Variants in KCNIP4 observed in about 807,000 individuals in gnomAD.
KCNIP4 encodes the protein Kv channel-interacting protein 4.
A neutral mutation model predicts 34.0 loss-of-function variants in KCNIP4; 12 were observed. The ratio of observed to expected loss-of-function variants is 0.35; its 90% CI spans 0.23 to 0.57. The LOEUF is 0.57. KCNIP4 is among the 20% of genes least tolerant of loss of function. The pLI is 0.83. For missense variants in KCNIP4, 238 were observed against 311.7 expected, an observed-to-expected ratio of 0.76 and a Z score of 1.78; for synonymous variants, 124 against 102.2, an observed-to-expected ratio of 1.21 and a Z score of -1.29.
chr4:21,385,570 A>G (rs1295118539), intron 1 of KCNIP4, among the ~76,000 whole-genome samples: 1 of 152,216 alleles, frequency 6.6e-6, no homozygotes, highest in East Asian at 1.9e-4. Context: ...ATAAGCGATC[A>G]GTGCTAAAAC....
chr4:21,512,162 GAGGGAGGGAGGA>G (rs373190787), intron 1 of KCNIP4, among the ~76,000 whole-genome samples: 61,201 of 132,894 alleles, frequency 0.46, 14,336 homozygotes, highest in East Asian at 0.63. Context: ...GGGAGGGAGG[GAGGGAGGGAGGA>G]AGGAAGGAAC....
At chr4:21,762,657 T>G (rs2109172387) in intron 1 of KCNIP4, among the ~76,000 whole-genome samples, 1 of 152,232 alleles carries the variant, frequency 6.6e-6, no homozygotes, top group East Asian at 1.9e-4. Flanking sequence ...CACTCTTATT[T>G]TATTCTTTAG....
intron 1 of KCNIP4, among the ~76,000 whole-genome samples, chr4:21,778,610 C>A (rs1719355383): frequency 6.6e-6 from 1 of 152,046 alleles, no homozygotes; most frequent in Non-Finnish European, 1.5e-5. Flanking sequence ...AGAGACACTG[C>A]ATATTGTAAC....
intron 1 of KCNIP4, among the ~76,000 whole-genome samples, chr4:20,979,688 G>A (rs1437515436): frequency 6.6e-6 from 1 of 151,898 alleles, no homozygotes; most frequent in Non-Finnish European, 1.5e-5. Flanking sequence ...GTGAGCCACC[G>A]CGCCTGGCTC....
intron 1 of KCNIP4, among the ~76,000 whole-genome samples, chr4:21,412,053 A>G (rs996754451): frequency 6.6e-6 from 1 of 152,284 alleles, no homozygotes; most frequent in African/African-American, 2.4e-5. Flanking sequence ...TTAGCTCTGA[A>G]GTACTCTACC....
chr4:21,826,010 A>T (rs1392650559), intron 1 of KCNIP4, among the ~76,000 whole-genome samples: 1 of 152,160 alleles, frequency 6.6e-6, no homozygotes, highest in Non-Finnish European at 1.5e-5. Context: ...GAGGACAGCA[A>T]GCTCAAAGAA....
chr4:20,877,714 T>C (rs1298305883), intron 2 of KCNIP4, among the ~76,000 whole-genome samples: 1 of 152,164 alleles, frequency 6.6e-6, no homozygotes, highest in African/African-American at 2.4e-5. Flanking sequence ...AAATTTTCTT[T>C]TCCTCTCCTT....
intron 1 of KCNIP4, among the ~76,000 whole-genome samples, chr4:21,441,439 G>A (rs979723783): frequency 6.6e-5 from 10 of 151,950 alleles, no homozygotes; most frequent in South Asian, 2.1e-4. Context: ...CATCGCGCCC[G>A]GCCACGACAC....
rs372420304 is a variant in KCNIP4, at chr4:21,720,502, GT to G, written c.61+228068del. Among the ~76,000 whole-genome samples the G allele has an allele frequency of 5.8e-3, 796 of 137,494 alleles. 4 individuals carry two copies. Among genetic ancestry groups the G allele is most frequent in the South Asian group, 0.028 (120 of 4,246 alleles). The allele number at this position is 137,494 out of a possible 152,430, so 90.2% of individuals were successfully genotyped here. A position where few individuals can be genotyped will look rare whatever the true frequency, so the allele number is the denominator to read the frequency against. ...TAAAAGAGAATGACTCGGAGCTGTT[GT>G]TTTTTTTCCCCCATTCTGTTTTTTT... On this transcript the variant is annotated intron_variant, in intron 1 of 8. Coordinates refer to ENST00000382152, the MANE Select transcript of KCNIP4 (RefSeq NM_025221.6).
At chr4:20,998,444 C>A (rs775495601) in intron 1 of KCNIP4, among the ~76,000 whole-genome samples, 4 of 152,306 alleles carry the variant, frequency 2.6e-5, no homozygotes, top group Admixed American at 2.6e-4. Flanking sequence ...AGATTTCAAC[C>A]ATAACATGTG....
At chr4:21,502,158 A>G (rs1279859793) in intron 1 of KCNIP4, among the ~76,000 whole-genome samples, 1 of 152,144 alleles carries the variant, frequency 6.6e-6, no homozygotes, top group Non-Finnish European at 1.5e-5. Context: ...TACTTTATAA[A>G]AATTGTAATA....
rs191159728 is a variant in KCNIP4, at chr4:21,075,286, G to T, written c.62-192577C>A. ...GTGTGGGAGTCTAAGTCTCTTTGTA[G>T]GTCTCTAAGGACTTGCTTTATGAAT... On this transcript the variant is annotated intron_variant, in intron 1 of 8. Coordinates refer to ENST00000382152, the MANE Select transcript of KCNIP4 (RefSeq NM_025221.6). Among the ~76,000 whole-genome samples, 1,298 of 152,164 alleles carry T rather than the reference G, an allele frequency of 8.5e-3. 11 individuals are homozygous for T. The highest frequency in any genetic ancestry group is 0.02 in the Middle Eastern group (6 of 294).
intron 1 of KCNIP4, among the ~76,000 whole-genome samples, chr4:21,248,005 C>CACA (rs1560213238): frequency 1.9e-5 from 1 of 52,768 alleles, no homozygotes; most frequent in African/African-American, 9.2e-5. Flanking sequence ...ACACACACAC[C>CACA]CCCCACAGGT....
At position 20,728,765 on chromosome 4, in the gene KCNIP4, T is replaced by TATCTCTACACCAGAATA. The variant is rs1746823470; in HGVS notation, c.*1300_*1316dup. The TATCTCTACACCAGAATA allele has an allele frequency of 6.6e-6, 1 of 152,544 alleles. No homozygotes were observed. The highest frequency in any genetic ancestry group is 1.5e-5 in the Non-Finnish European group (1 of 68,006). The allele number at this position is 152,544 out of a possible 1,614,324, so 9.4% of individuals were successfully genotyped here. On this transcript the variant is annotated 3_prime_UTR_variant, in exon 9 of 9. Transcript: ENST00000382152. ...GATAGCAGGGCAGCTTTCAACATCC[T>TATCTCTACACCAGAATA]ATCTCTACACCAGAATAGATACCTG...
At chr4:21,329,410 T>C (rs1715402531) in intron 1 of KCNIP4, among the ~76,000 whole-genome samples, 1 of 152,194 alleles carries the variant, frequency 6.6e-6, no homozygotes, top group African/African-American at 2.4e-5. Context: ...TTCTTTTCAA[T>C]AGATTTTACT....
rs548924195 is a variant in KCNIP4 at position 21,791,115 on chromosome 4, C to T, written c.61+157456G>A. Among the ~76,000 whole-genome samples the T allele has an allele frequency of 3.9e-5, 6 of 152,112 alleles. No homozygotes were observed. In the South Asian group the frequency reaches 1.2e-3, roughly 32 times the overall value. ...TTATTATCAACAGAAATGTATTCCT[C>T]ACAGATCTGGAAGCTGGAAGTCTGA... On this transcript the variant is annotated intron_variant, in intron 1 of 8. Transcript: ENST00000382152.
intron 1 of KCNIP4, among the ~76,000 whole-genome samples, chr4:21,566,710 C>T (rs1229264503): frequency 6.6e-6 from 1 of 152,086 alleles, no homozygotes; most frequent in African/African-American, 2.4e-5. Context: ...AAGGAAGAGA[C>T]AATACTTAGA....
intron 1 of KCNIP4, among the ~76,000 whole-genome samples, chr4:21,695,854 C>T (rs935089814): frequency 1.9e-4 from 29 of 152,094 alleles, no homozygotes; most frequent in African/African-American, 6.8e-4. Context: ...AAAAGATCAC[C>T]TCTTGCTCAT....
intron 1 of KCNIP4, among the ~76,000 whole-genome samples, chr4:21,059,633 T>C (rs182188523): frequency 1.3e-3 from 199 of 152,152 alleles, no homozygotes; most frequent in African/African-American, 4.6e-3. Context: ...TTAAGGAAAG[T>C]GTATTTATGG....
Sources: gnomAD v4.1 joint callset for allele counts (sites outside exome capture counted in the v4.1 genomes callset) on GRCh38, gnomAD v4.1.1 for gene constraint, MANE v1.5 for transcripts, NCBI Gene and HGNC (gene_info 2026-07-23, HGNC 2026-07-21) for gene names.